Variants in MEF2C observed in about 807,000 individuals in gnomAD.
MEF2C encodes the protein myocyte enhancer factor 2C.
Under a neutral mutation model 50.5 loss-of-function variants are expected in MEF2C, and 6 were observed. The ratio of observed to expected loss-of-function variants is 0.12; its 90% confidence interval spans 0.07 to 0.23. MEF2C has a LOEUF of 0.23. MEF2C is among the 10% of genes least tolerant of loss of function. MEF2C has a pLI of 1.00. For synonymous variants in MEF2C, 183 were observed against 228.0 expected, an observed-to-expected ratio of 0.80 and a Z score of 1.78; for missense variants, 276 against 605.0, an observed-to-expected ratio of 0.46 and a Z score of 5.70.
rs1425474160 is a variant in MEF2C at position 88,719,918 on chromosome 5, C to T, written c.*2686G>A. ...TCAGAACTGCTATAAATAGCCAAGGCTTCTGCTGGTACTTTAGCTTACTTT... is the reference window on the plus strand; with the variant it reads ...TCAGAACTGCTATAAATAGCCAAGGTTTCTGCTGGTACTTTAGCTTACTTT... On this transcript the variant is annotated 3_prime_UTR_variant, in exon 11 of 11. Transcript: ENST00000504921. The T allele has an allele frequency of 6.6e-6, 1 of 152,158 alleles. No individual in the cohort carries two copies. Among genetic ancestry groups the T allele is most frequent in the East Asian group, 1.9e-4 (1 of 5,200 alleles). 9.4% of individuals were successfully genotyped at this position (152,158 alleles called of 1,614,324 possible). A position where few individuals can be genotyped will look rare whatever the true frequency, so the allele number is the denominator to read the frequency against.
intron 3 of MEF2C, chr5:88,780,672 A>G (rs1256919702): frequency 5.2e-6 from 4 of 774,866 alleles, no homozygotes; most frequent in Non-Finnish European, 6.3e-6. Flanking sequence ...CACAACATAT[A>G]TATTTCACTG....
chr5:88,889,093 G>GT (rs1352295800), intron 1 of MEF2C: 1 of 152,134 alleles, frequency 6.6e-6, no homozygotes, highest in African/African-American at 2.4e-5. Flanking sequence ...CTCGTCCTGC[G>GT]TTTTGGTGCC....
chr5:88,900,304 T>G (rs1835511833), intron 1 of MEF2C, among the ~76,000 whole-genome samples: 1 of 151,786 alleles, frequency 6.6e-6, no homozygotes, highest in Non-Finnish European at 1.5e-5. Flanking sequence ...CATAAGCTAG[T>G]CAGTTGTTAA....
chr5:88,849,478 T>C (rs1252338061), intron 1 of MEF2C, among the ~76,000 whole-genome samples: 3 of 152,206 alleles, frequency 2.0e-5, no homozygotes, highest in African/African-American at 7.2e-5. Flanking sequence ...TGCAATGTTA[T>C]CTAAGACTCA....
At chr5:88,814,897 T>G (rs1482530395) in intron 2 of MEF2C, among the ~76,000 whole-genome samples, 1 of 152,108 alleles carries the variant, frequency 6.6e-6, no homozygotes, top group Non-Finnish European at 1.5e-5. Flanking sequence ...GATCAGGATA[T>G]AAGAGATTTT....
intron 1 of MEF2C, among the ~76,000 whole-genome samples, chr5:88,862,382 C>T (rs934971240): frequency 6.6e-6 from 1 of 152,104 alleles, no homozygotes; most frequent in East Asian, 1.9e-4. Flanking sequence ...CTTAGTTTCT[C>T]GTATTCTACG....
chr5:88,831,735 C>T (rs1209122845), intron 1 of MEF2C, among the ~76,000 whole-genome samples: 2 of 151,970 alleles, frequency 1.3e-5, no homozygotes, highest in Non-Finnish European at 2.9e-5. Flanking sequence ...TTATATGTGG[C>T]TCAACATGGA....
At chr5:88,863,674 C>A (rs891862367) in intron 1 of MEF2C, among the ~76,000 whole-genome samples, 1 of 152,154 alleles carries the variant, frequency 6.6e-6, no homozygotes, top group African/African-American at 2.4e-5. Context: ...CTGGAAACTG[C>A]CTTTCTACTC....
At chr5:88,786,869 C>T (rs146245274) in intron 3 of MEF2C, among the ~76,000 whole-genome samples, 122 of 152,302 alleles carry the variant, frequency 8.0e-4, no homozygotes, top group African/African-American at 2.8e-3. Context: ...TTTTCAGGTG[C>T]TCACAGTTGT....
intron 3 of MEF2C, among the ~76,000 whole-genome samples, chr5:88,776,850 A>T (rs1414886670): frequency 6.6e-6 from 1 of 152,152 alleles, no homozygotes; most frequent in African/African-American, 2.4e-5. Flanking sequence ...GTTCATCCTG[A>T]TATCCACACC....
At chr5:88,838,616 A>G (rs1816093952) in intron 1 of MEF2C, 1 of 985,170 alleles carries the variant, frequency 1.0e-6, no homozygotes, top group Non-Finnish European at 1.2e-6. Context: ...CCAAAGCTTG[A>G]AGCAGTCATT....
intron 1 of MEF2C, among the ~76,000 whole-genome samples, chr5:88,834,458 C>T (rs1314265651): frequency 6.6e-6 from 1 of 152,062 alleles, no homozygotes; most frequent in Non-Finnish European, 1.5e-5. Flanking sequence ...GTGCCATGGA[C>T]ACCACTGAAA....
intron 1 of MEF2C, among the ~76,000 whole-genome samples, chr5:88,831,011 A>T (rs1229237718): frequency 6.6e-6 from 1 of 152,144 alleles, no homozygotes; most frequent in Non-Finnish European, 1.5e-5. Flanking sequence ...TGTTGCTATT[A>T]TAGATTTTCA....
intron 6 of MEF2C, chr5:88,748,146 T>C (rs1296078462): frequency 1.0e-6 from 1 of 982,638 alleles, no homozygotes; most frequent in African/African-American, 1.7e-5. Context: ...TTTATAAAAA[T>C]GTATTTGTAA....
intron 3 of MEF2C, among the ~76,000 whole-genome samples, chr5:88,773,992 T>C (rs1005765394): frequency 6.6e-6 from 1 of 152,206 alleles, no homozygotes; most frequent in African/African-American, 2.4e-5. Context: ...CAGGGGACAG[T>C]TGCTGATCCA....
chr5:88,763,789 G>A (rs933659173), intron 3 of MEF2C, among the ~76,000 whole-genome samples: 11 of 151,972 alleles, frequency 7.2e-5, no homozygotes, highest in Admixed American at 2.0e-4. Flanking sequence ...TGGGCAGTTG[G>A]TACTACAGGT....
intron 2 of MEF2C, among the ~76,000 whole-genome samples, chr5:88,811,880 G>T (rs1221676551): frequency 6.6e-6 from 1 of 152,086 alleles, no homozygotes; most frequent in Non-Finnish European, 1.5e-5. Flanking sequence ...TGAAAACCAA[G>T]TCCCAGCTCT....
Position 88,822,157 on chromosome 5 carries a change from G to T in MEF2C, c.54+1578C>A, listed in dbSNP as rs1433751978. ...CCTGCAAAAATTTTCTTCTAACTTT[G>T]CAAGCAAAAGAAGATATAATGAATA... is the stretch of plus-strand genomic sequence containing the variant. On this transcript the variant is annotated intron_variant, in intron 2 of 10. Coordinates refer to ENST00000504921, the MANE Select transcript of MEF2C (RefSeq NM_002397.5). 5.3e-5 allele frequency among the ~76,000 whole-genome samples: 8 copies of T among 151,974 alleles called. 1 individual carries two copies. The highest frequency in any genetic ancestry group is 1.9e-4 in the African/African-American group (8 of 41,500).
At chr5:88,876,601 T>C (rs1478109795) in intron 1 of MEF2C, among the ~76,000 whole-genome samples, 2 of 152,008 alleles carry the variant, frequency 1.3e-5, no homozygotes, top group Non-Finnish European at 2.9e-5. Context: ...ATTAATGTGT[T>C]TATTTTCTAA....
Sources: gnomAD v4.1 joint callset for allele counts (sites outside exome capture counted in the v4.1 genomes callset) on GRCh38, gnomAD v4.1.1 for gene constraint, MANE v1.5 for transcripts, NCBI Gene and HGNC (gene_info 2026-07-23, HGNC 2026-07-21) for gene names.